The following CPED1 variants were observed in gnomAD, a reference collection of about 807,000 sequenced individuals.
CPED1 encodes cadherin-like and PC-esterase domain-containing protein 1.
In CPED1, 114 loss-of-function variants were observed where a neutral mutation model predicts 128.2. That is an observed-to-expected ratio of 0.89 (90% CI 0.76 to 1.04). The LOEUF is 1.04. Ranked by LOEUF, CPED1 falls within the 50% of genes least tolerant of loss-of-function variation. CPED1 has a pLI of 0.00. For missense variants in CPED1, 1,211 were observed against 1,207.1 expected, an observed-to-expected ratio of 1.00 and a Z score of -0.05; for synonymous variants, 462 against 426.7, an observed-to-expected ratio of 1.08 and a Z score of -1.02.
intron 18 of CPED1, among the ~76,000 whole-genome samples, chr7:121,248,960 A>T (rs189405658): frequency 6.6e-6 from 1 of 152,346 alleles, no homozygotes; most frequent in East Asian, 1.9e-4. Context: ...TCAAAGATGA[A>T]ATAGCCATTT....
chr7:121,016,666 C>T (rs1168951916), intron 3 of CPED1, among the ~76,000 whole-genome samples: 1 of 152,218 alleles, frequency 6.6e-6, no homozygotes, highest in Non-Finnish European at 1.5e-5. Flanking sequence ...ACTTTCTCTG[C>T]TCTGGCTTTT....
At position 121,189,932 on chromosome 7, in the gene CPED1, G is replaced by C. The variant is rs190999983; in HGVS notation, c.2056-46782G>C. Reference sequence around the variant, plus strand: ...TTTCCTGAGTGCCTACTGAGCATCAGGTACTATTATAGACACCAGGCAACA... The same window carrying C: ...TTTCCTGAGTGCCTACTGAGCATCACGTACTATTATAGACACCAGGCAACA... On this transcript the variant is annotated intron_variant, in intron 16 of 22. Transcript: ENST00000310396. 3.3e-3 allele frequency among the ~76,000 whole-genome samples: 500 copies of C among 151,116 alleles called. 2 individuals carry two copies. Among genetic ancestry groups the C allele is most frequent in the African/African-American group, 0.011 (473 of 41,212 alleles).
At chr7:121,037,079 T>TA (rs1184143351) in intron 3 of CPED1, among the ~76,000 whole-genome samples, 6 of 152,162 alleles carry the variant, frequency 3.9e-5, no homozygotes, top group Non-Finnish European at 8.8e-5. Flanking sequence ...TTTCTTTCCC[T>TA]CTGTGGATTG....
At chr7:121,076,837 A>T (rs930180663) in intron 5 of CPED1, among the ~76,000 whole-genome samples, 1 of 152,148 alleles carries the variant, frequency 6.6e-6, no homozygotes, top group East Asian at 1.9e-4. Flanking sequence ...GTGAGGGTGT[A>T]TGATATATGG....
intron 18 of CPED1, among the ~76,000 whole-genome samples, chr7:121,249,069 G>A (rs1031866972): frequency 6.6e-5 from 10 of 152,120 alleles, no homozygotes; most frequent in African/African-American, 2.2e-4. Context: ...ACCAGGCTGA[G>A]GAAAGACTCT....
intron 22 of CPED1, among the ~76,000 whole-genome samples, chr7:121,277,443 T>G (rs1304631877): frequency 6.6e-6 from 1 of 152,030 alleles, no homozygotes; most frequent in African/African-American, 2.4e-5. Context: ...AAATAGATCA[T>G]CCACAGAGCC....
intron 7 of CPED1, among the ~76,000 whole-genome samples, chr7:121,122,495 G>A (rs906032546): frequency 6.6e-6 from 1 of 152,174 alleles, no homozygotes; most frequent in African/African-American, 2.4e-5. Context: ...GAATACAGAT[G>A]TGCTGGGTGG....
chr7:121,006,558 C>G (rs1792020855), intron 2 of CPED1, among the ~76,000 whole-genome samples: 1 of 151,830 alleles, frequency 6.6e-6, no homozygotes, highest in African/African-American at 2.4e-5. Flanking sequence ...GAGGGACACA[C>G]TCAGGAGTGA....
At chr7:121,011,708 G>GA (rs968610546) in intron 2 of CPED1, among the ~76,000 whole-genome samples, 24 of 151,902 alleles carry the variant, frequency 1.6e-4, no homozygotes, top group Non-Finnish European at 3.4e-4. Context: ...GGAGGCCCAG[G>GA]AAAAAAATCA....
In CPED1 at chr7:121,254,649, T is replaced by C. The variant is rs180920602; in HGVS notation, c.2310+10311T>C. 4.0e-4 allele frequency among the ~76,000 whole-genome samples: 61 copies of C among 151,932 alleles called. No individual in the cohort carries two copies. In the East Asian group the frequency reaches 9.9e-3, roughly 25 times the overall value. On this transcript the variant is annotated intron_variant, in intron 18 of 22. Coordinates refer to ENST00000310396, the MANE Select transcript of CPED1 (RefSeq NM_024913.5). ...GGTTCTTCAAAAAGATAAGTAAGAC[T>C]GATAGACTAACTAGATTAACAACAA... is the stretch of plus-strand genomic sequence containing the variant.
chr7:121,039,117 C>T (rs974831116), intron 3 of CPED1, among the ~76,000 whole-genome samples: 2 of 152,016 alleles, frequency 1.3e-5, no homozygotes, highest in Non-Finnish European at 2.9e-5. Flanking sequence ...AGAGTAGCTA[C>T]GTAACTGTTT....
intron 2 of CPED1, among the ~76,000 whole-genome samples, chr7:121,006,017 C>T (rs1008291099): frequency 2.6e-5 from 4 of 152,092 alleles, no homozygotes; most frequent in African/African-American, 9.7e-5. Flanking sequence ...GCTGGAAAAG[C>T]CTCAAACTCA....
At chr7:121,206,774 G>T (rs1172382782) in intron 16 of CPED1, among the ~76,000 whole-genome samples, 1 of 151,490 alleles carries the variant, frequency 6.6e-6, no homozygotes, top group East Asian at 1.9e-4. Flanking sequence ...CCTGAAGAAA[G>T]AAAAACAAAT....
intron 16 of CPED1, among the ~76,000 whole-genome samples, chr7:121,233,115 T>G (rs573449299): frequency 7.9e-5 from 12 of 152,190 alleles, no homozygotes; most frequent in Admixed American, 5.2e-4. Context: ...TAGCACCTCA[T>G]GAAAAGTTAA....
At chr7:121,177,293 A>ATG (rs1214776064) in intron 16 of CPED1, among the ~76,000 whole-genome samples, 1 of 152,024 alleles carries the variant, frequency 6.6e-6, no homozygotes, top group South Asian at 2.1e-4. Flanking sequence ...ATTCAATGAT[A>ATG]TGTGTGTGTG....
intron 16 of CPED1, among the ~76,000 whole-genome samples, chr7:121,172,972 G>A (rs940231118): frequency 2.0e-5 from 3 of 152,096 alleles, no homozygotes; most frequent in Non-Finnish European, 4.4e-5. Context: ...CATATCTACT[G>A]CCCTATGATA....
chr7:121,296,647 C>A lies in CPED1; in HGVS notation c.*995C>A, dbSNP rs1792829445. The A allele has an allele frequency of 6.6e-6, 1 of 152,028 alleles. No homozygotes were observed. The highest frequency in any genetic ancestry group is 1.5e-5 in the Non-Finnish European group (1 of 67,960). 9.4% of individuals were successfully genotyped at this position (152,028 alleles called of 1,614,324 possible). ...TTTTGATTTTCCTGAGCAACTGTAT[C>A]AAATCCAAATTTAGATTAGACAAAA... On this transcript the variant is annotated 3_prime_UTR_variant, in exon 23 of 23. Coordinates refer to ENST00000310396, the MANE Select transcript of CPED1 (RefSeq NM_024913.5).
At chr7:121,042,713 T>C (rs1267168491) in intron 3 of CPED1, among the ~76,000 whole-genome samples, 2 of 152,154 alleles carry the variant, frequency 1.3e-5, no homozygotes, top group Non-Finnish European at 2.9e-5. Flanking sequence ...TCATATCAAA[T>C]AGATTGTTGT....
At chr7:121,289,914 A>G (rs974487310) in intron 22 of CPED1, among the ~76,000 whole-genome samples, 1 of 152,214 alleles carries the variant, frequency 6.6e-6, no homozygotes, top group Admixed American at 6.5e-5. Flanking sequence ...CCATCAACCC[A>G]TCATCTACAG....
Sources: allele counts gnomAD v4.1 joint callset (sites outside exome capture counted in the v4.1 genomes callset), GRCh38; gene constraint gnomAD v4.1.1; transcripts MANE v1.5; gene names NCBI Gene and HGNC (gene_info 2026-07-23, HGNC 2026-07-21).